The following TESMIN variants were observed in gnomAD, a reference collection of about 807,000 sequenced individuals.
TESMIN encodes testis expressed metallothionein like protein, also known as CXC domain containing 2.
In TESMIN, 34 loss-of-function variants were observed where a neutral mutation model predicts 47.4. The ratio of observed to expected loss-of-function variants is 0.72; its 90% CI spans 0.55 to 0.96. The LOEUF is 0.96. Ranked by LOEUF, TESMIN falls within the 40% of genes least tolerant of loss-of-function variation. The pLI, the probability that TESMIN is intolerant of heterozygous loss-of-function variation, is 0.00. For missense variants in TESMIN, 610 were observed against 637.2 expected, an observed-to-expected ratio of 0.96 and a Z score of 0.46; for synonymous variants, 278 against 258.9, an observed-to-expected ratio of 1.07 and a Z score of -0.71.
chr11:68,744,733 G>A (rs1594302634), intron 4 of TESMIN: 1 of 286,360 alleles, frequency 3.5e-6, no homozygotes, highest in African/African-American at 2.2e-5. Context: ...GTCATCACCT[G>A]TTAGGATCAC....
intron 7 of TESMIN, among the ~76,000 whole-genome samples, chr11:68,714,495 G>A (rs1173398711): frequency 6.6e-6 from 1 of 152,228 alleles, no homozygotes; most frequent in Non-Finnish European, 1.5e-5. Flanking sequence ...CAGACATAGA[G>A]GGCTTTAGGT....
In TESMIN at chr11:68,711,015, A is replaced by G. The variant is rs1946058452; in HGVS notation, c.1193T>C (p.Ile398Thr). 6.2e-7 allele frequency: 1 copy of G among 1,612,042 alleles called. No individual in the cohort carries two copies. The highest frequency in any genetic ancestry group is 8.5e-7 in the Non-Finnish European group (1 of 1,179,384). The change falls in exon 9 of 10, where the codon ATT becomes ACT. Residue 398 changes from isoleucine (I) to threonine (T), a missense_variant. Coordinates refer to ENST00000255087, the MANE Select transcript of TESMIN (RefSeq NM_004923.3). ...QIMCSSICKC[I>T]GCKNYEESPE... is the part of the protein sequence containing the mutation. ...GCTTTCTTCATAATTTTTGCAACCA[A>G]TGCATTTGCAAATAGAAGAACACAT... is the stretch of plus-strand genomic sequence containing the variant.
rs1946009721 is a variant in TESMIN, at chr11:68,707,455, A to G, written c.*853T>C. ...ATGACAACAATTGAAGACATTGGAA[A>G]TTTTTATTCATCTTTGCTTTACAAC... is the stretch of plus-strand genomic sequence containing the variant. On this transcript the variant is annotated 3_prime_UTR_variant, in exon 10 of 10. Transcript: ENST00000255087. 1 of 176,396 alleles carries G rather than the reference A, an allele frequency of 5.7e-6. No individual in the cohort carries two copies. The highest frequency in any genetic ancestry group is 1.2e-5 in the Non-Finnish European group (1 of 80,970). 10.9% of individuals were successfully genotyped at this position (176,396 alleles called of 1,614,324 possible).
intron 6 of TESMIN, chr11:68,737,026 C>T (rs961089682): frequency 2.0e-6 from 2 of 985,398 alleles, no homozygotes; most frequent in Non-Finnish European, 2.4e-6. Flanking sequence ...AGACACAATA[C>T]AGCACAGAGG....
chr11:68,745,855 G>A (rs1482920950), intron 3 of TESMIN, among the ~76,000 whole-genome samples: 1 of 152,210 alleles, frequency 6.6e-6, no homozygotes, highest in Non-Finnish European at 1.5e-5. Context: ...GGAACTGTGT[G>A]CCCAGCCCTG....
chr11:68,744,239 C>T (rs1594302408), intron 4 of TESMIN, among the ~76,000 whole-genome samples: 1 of 152,196 alleles, frequency 6.6e-6, no homozygotes, highest in African/African-American at 2.4e-5. Flanking sequence ...AAGTTATAGG[C>T]AAGGTCAGTG....
intron 6 of TESMIN, among the ~76,000 whole-genome samples, chr11:68,731,791 C>A (rs1025213256): frequency 6.6e-6 from 1 of 152,208 alleles, no homozygotes; most frequent in African/African-American, 2.4e-5. Context: ...ACAGACCTCA[C>A]TGCTTGGGTG....
chr11:68,738,987 G>A (rs965015001), intron 5 of TESMIN, among the ~76,000 whole-genome samples, 199 bp from the exon 6 acceptor site: 1 of 151,416 alleles, frequency 6.6e-6, no homozygotes, highest in African/African-American at 2.4e-5. Flanking sequence ...GTCACAGCCT[G>A]TCTGGAAGTG....
chr11:68,735,317 C>T (rs575106967), intron 6 of TESMIN, among the ~76,000 whole-genome samples: 6 of 152,200 alleles, frequency 3.9e-5, no homozygotes, highest in Middle Eastern at 3.4e-3. Flanking sequence ...CAGGGTGGCC[C>T]GGCACTTCCT....
chr11:68,711,547 C>T (rs1946072602), intron 8 of TESMIN, among the ~76,000 whole-genome samples: 1 of 152,000 alleles, frequency 6.6e-6, no homozygotes, highest in Admixed American at 6.6e-5. Flanking sequence ...GGGTGTGAGT[C>T]CCAAGCAGAG....
chr11:68,727,310 C>T (rs1274490485), intron 6 of TESMIN, among the ~76,000 whole-genome samples: 1 of 152,094 alleles, frequency 6.6e-6, no homozygotes, highest in African/African-American at 2.4e-5. Context: ...CATGGTGATG[C>T]ATGCCTGTAA....
At chr11:68,748,818 CAG>C (rs1946553466) in intron 2 of TESMIN, among the ~76,000 whole-genome samples, 2 of 152,152 alleles carry the variant, frequency 1.3e-5, no homozygotes, top group Admixed American at 1.3e-4. Context: ...TCTTTAACAT[CAG>C]AGAATTCTCT....
intron 5 of TESMIN, among the ~76,000 whole-genome samples, chr11:68,741,113 C>T (rs544855963): frequency 1.2e-4 from 19 of 152,254 alleles, no homozygotes; most frequent in South Asian, 4.1e-4. Flanking sequence ...CTGATCTGAG[C>T]GATCATCTCT....
intron 1 of TESMIN, among the ~76,000 whole-genome samples, chr11:68,751,073 GCCAGGTGAGGGGC>G: frequency 1.1e-5 from 1 of 90,702 alleles, no homozygotes; most frequent in East Asian, 4.2e-4. Context: ...AGGGGAGGGG[GCCAGGTGAGGGGC>G]GGCCAGGTGA....
At chr11:68,744,841 ATATTCTT>A in intron 4 of TESMIN, 143 bp downstream of exon 4, 1 of 592,198 alleles carries the variant, frequency 1.7e-6, no homozygotes, top group Non-Finnish European at 2.8e-6. Context: ...ATACATTTTT[ATATTCTT>A]AGCTTACTAA....
chr11:68,712,995 C>G (rs1318440386), intron 8 of TESMIN, among the ~76,000 whole-genome samples: 2 of 152,102 alleles, frequency 1.3e-5, no homozygotes, highest in African/African-American at 4.8e-5. Context: ...AGGGACAAAG[C>G]CACGCAGAGG....
chr11:68,739,934 C>G (rs910084152), intron 5 of TESMIN, among the ~76,000 whole-genome samples: 1 of 152,166 alleles, frequency 6.6e-6, no homozygotes, highest in Non-Finnish European at 1.5e-5. Context: ...TCGCATAAAC[C>G]AGGTAAAATT....
At chr11:68,734,276 C>T (rs1044868433) in intron 6 of TESMIN, among the ~76,000 whole-genome samples, 1 of 152,104 alleles carries the variant, frequency 6.6e-6, no homozygotes, top group African/African-American at 2.4e-5. Flanking sequence ...CTGCATTTGG[C>T]GATTAGCTCA....
chr11:68,741,768 C>T (rs1389267497), intron 5 of TESMIN, among the ~76,000 whole-genome samples: 1 of 152,192 alleles, frequency 6.6e-6, no homozygotes, highest in Non-Finnish European at 1.5e-5. Flanking sequence ...CCACAAAACG[C>T]AAGCCAGTGA....
Sources: gnomAD v4.1 joint callset for allele counts (sites outside exome capture counted in the v4.1 genomes callset) on GRCh38, gnomAD v4.1.1 for gene constraint, MANE v1.5 for transcripts, NCBI Gene and HGNC (gene_info 2026-07-23, HGNC 2026-07-21) for gene names.